Variants in LRRC37A3 observed in about 807,000 individuals in gnomAD.
The protein encoded by LRRC37A3 is leucine-rich repeat-containing protein 37A3.
In LRRC37A3, 25 loss-of-function variants were observed where a neutral mutation model predicts 106.2. The ratio of observed to expected loss-of-function variants is 0.24; its 90% CI spans 0.17 to 0.33. The LOEUF is 0.33. Ranked by LOEUF, LRRC37A3 falls within the 10% of genes least tolerant of loss-of-function variation. The probability of loss-of-function intolerance (pLI) is 1.00; values close to 1 mark genes in which losing one functional copy is unlikely to be tolerated. For missense variants in LRRC37A3, 712 were observed against 1,644.9 expected (o/e 0.43, Z 9.81); for synonymous variants, 305 against 635.8 (o/e 0.48, Z 7.83).
At chr17:64,908,928 T>A (rs1440474311) in intron 2 of LRRC37A3, among the ~76,000 whole-genome samples, 1 of 150,956 alleles carries the variant, frequency 6.6e-6, no homozygotes, top group African/African-American at 2.5e-5. Flanking sequence ...ACCACCACCA[T>A]GCCCAGCTAA....
Position 64,859,921 on chromosome 17 carries a change from G to A in LRRC37A3, c.4225C>T (p.Pro1409Ser). Residue 1409 changes from proline (P) to serine (S), a missense_variant, in exon 12 of 15, where the codon CCA becomes TCA. Coordinates refer to ENST00000584306, the MANE Select transcript of LRRC37A3 (RefSeq NM_199340.5). ...ENVFMENTNM[P>S]EGTISENTNY... is the part of the protein sequence containing the mutation. ...GTGTTTTCAGAGATGGTTCCTTCTG[G>A]CATGTTAGTGTTTTCCATAAAAACA... 1 of 1,613,728 alleles carries A rather than the reference G, an allele frequency of 6.2e-7. No individual in the cohort carries two copies. Among genetic ancestry groups the A allele is most frequent in the Non-Finnish European group, 8.5e-7 (1 of 1,179,858 alleles).
Position 64,868,514 on chromosome 17 carries a change from G to A in LRRC37A3, c.3001C>T (p.Pro1001Ser). ...KYLDMGTTLV[P>S]LTTLKNILMM... ...AGAATGTTCTTAAGTGTTGTAAGTG[G>A]GACTAGCGTTGTTCCCATGTCTCTG... The change falls in exon 10 of 15, where the codon CCA (proline) becomes TCA (serine). Residue 1001 changes from proline (P) to serine (S), a missense_variant. By Grantham distance (74) the Pro-to-Ser change is moderately conservative. Transcript: ENST00000584306. The A allele has an allele frequency of 1.9e-6, 3 of 1,610,020 alleles. No homozygotes were observed. Among genetic ancestry groups the A allele is most frequent in the Non-Finnish European group, 2.5e-6 (3 of 1,178,502 alleles).
intron 8 of LRRC37A3, among the ~76,000 whole-genome samples, chr17:64,875,515 G>A (rs1973481175): frequency 3.3e-5 from 5 of 152,194 alleles, no homozygotes; most frequent in South Asian, 2.1e-4. Flanking sequence ...CTGGCTGGGC[G>A]CAGTGGCTCA....
Position 64,893,689 on chromosome 17 carries a change from G to A in LRRC37A3, c.2609+960C>T, listed in dbSNP as rs1389792916. On this transcript the variant is annotated intron_variant, in intron 4 of 14. Transcript: ENST00000584306. ...TTTTGAGATGGAGTCTTGCTCTGTC[G>A]CCCAGGCTGGAGTGCAGTGGTGCAA... Among the ~76,000 whole-genome samples, 5 of 121,998 alleles carry A rather than the reference G, an allele frequency of 4.1e-5. No individual in the cohort carries two copies. The East Asian group carries it at 6.7e-4, about 16-fold the overall frequency. 80.0% of individuals were successfully genotyped at this position (121,998 alleles called of 152,430 possible).
At chr17:64,868,419 G>A (rs1973191495) in intron 10 of LRRC37A3, 43 bp downstream of exon 10, 1 of 1,604,640 alleles carries the variant, frequency 6.2e-7, no homozygotes, top group Non-Finnish European at 8.5e-7. Flanking sequence ...CAAACCTAAA[G>A]AAACAACTAC....
chr17:64,876,832 C>G lies in LRRC37A3; in HGVS notation c.2907-7666G>C, dbSNP rs1478957860. ...AATTAACACCAATCCTTCATAAAGT[C>G]TTTCAAAATACAGATGAGGAAAGAA... On this transcript the variant is annotated intron_variant, in intron 8 of 14. Coordinates refer to ENST00000584306, the MANE Select transcript of LRRC37A3 (RefSeq NM_199340.5). 2.6e-5 allele frequency: 4 copies of G among 152,046 alleles called. No individual in the cohort carries two copies. The East Asian group carries it at 7.7e-4, about 29-fold the overall frequency. 9.4% of individuals were successfully genotyped at this position (152,046 alleles called of 1,614,324 possible).
In LRRC37A3 at chr17:64,860,105, C is replaced by G; in HGVS notation, c.4041G>C (p.Ala1347=). 1 of 1,613,932 alleles carries G rather than the reference C, an allele frequency of 6.2e-7. No homozygotes were observed. The highest frequency in any genetic ancestry group is 8.5e-7 in the Non-Finnish European group (1 of 1,179,866). The part of the protein sequence containing the change: ...MLSNRLPFSA[A]KSLINSPSQG... Reference sequence around the variant, plus strand: ...GTGAAGGGGAATTTATGAGGCTCTTCGCTGCAGAGAACGGAAGCCTGTTTG... The same window carrying G: ...GTGAAGGGGAATTTATGAGGCTCTTGGCTGCAGAGAACGGAAGCCTGTTTG... Residue 1347 remains alanine, a synonymous_variant, in exon 12 of 15, where the codon GCG becomes GCC. Coordinates refer to ENST00000584306, the MANE Select transcript of LRRC37A3 (RefSeq NM_199340.5).
intron 8 of LRRC37A3, among the ~76,000 whole-genome samples, chr17:64,878,549 G>T (rs1228754816): frequency 6.6e-6 from 1 of 152,138 alleles, no homozygotes; most frequent in Non-Finnish European, 1.5e-5. Context: ...CTTCAAAAAA[G>T]ATATATAAAT....
At chr17:64,912,364 T>A (rs927188794) in intron 2 of LRRC37A3, among the ~76,000 whole-genome samples, 2 of 151,572 alleles carry the variant, frequency 1.3e-5, no homozygotes, top group Non-Finnish European at 2.9e-5. Flanking sequence ...CACACACATA[T>A]ATACAATTAT....
intron 2 of LRRC37A3, chr17:64,901,223 T>A (rs562877183): frequency 8.6e-5 from 13 of 151,130 alleles, no homozygotes; most frequent in Non-Finnish European, 1.6e-4. Flanking sequence ...GACTTTATGA[T>A]CTTACAGATA....
intron 13 of LRRC37A3, among the ~76,000 whole-genome samples, chr17:64,858,343 G>A (rs1972749866): frequency 6.6e-6 from 1 of 152,192 alleles, no homozygotes. Flanking sequence ...AAGTCTACAA[G>A]ACAATACTTC....
intron 9 of LRRC37A3, 90 bp from the exon 10 acceptor site, chr17:64,868,626 G>A: frequency 6.7e-7 from 1 of 1,502,612 alleles, no homozygotes; most frequent in Non-Finnish European, 9.1e-7. Context: ...TATTAAACAA[G>A]CCAGCTCAAG....
At chr17:64,867,569 A>G (rs1320159951) in intron 10 of LRRC37A3, among the ~76,000 whole-genome samples, 1 of 151,260 alleles carries the variant, frequency 6.6e-6, no homozygotes, top group Non-Finnish European at 1.5e-5. Context: ...CTAAGTACCT[A>G]ATACAGTGTA....
intron 9 of LRRC37A3, among the ~76,000 whole-genome samples, chr17:64,868,890 C>A (rs947329201): frequency 6.6e-6 from 1 of 152,174 alleles, no homozygotes; most frequent in African/African-American, 2.4e-5. Context: ...TATATGGGTT[C>A]TTCAATGCTG....
intron 2 of LRRC37A3, among the ~76,000 whole-genome samples, chr17:64,915,449 A>G (rs890376047): frequency 6.6e-6 from 1 of 152,268 alleles, no homozygotes; most frequent in African/African-American, 2.4e-5. Flanking sequence ...CAGTGTTCAT[A>G]AAGTTTTATT....
intron 8 of LRRC37A3, among the ~76,000 whole-genome samples, chr17:64,880,467 A>G (rs1221290918): frequency 6.6e-6 from 1 of 152,152 alleles, no homozygotes; most frequent in African/African-American, 2.4e-5. Context: ...TTTTAGATTC[A>G]CAGTAGATGA....
intron 11 of LRRC37A3, among the ~76,000 whole-genome samples, chr17:64,862,491 G>A (rs1022898636): frequency 1.2e-4 from 18 of 151,798 alleles, no homozygotes; most frequent in African/African-American, 3.6e-4. Context: ...GACCAAAACC[G>A]TATCTACATC....
chr17:64,902,083 CACA>C (rs1313173954), intron 2 of LRRC37A3, among the ~76,000 whole-genome samples: 6 of 151,216 alleles, frequency 4.0e-5, no homozygotes, highest in Admixed American at 1.3e-4. Flanking sequence ...AGAAAACAAT[CACA>C]ACAATAGCAT....
chr17:64,909,660 T>C (rs1167182749), intron 2 of LRRC37A3: 1 of 152,292 alleles, frequency 6.6e-6, no homozygotes, highest in Non-Finnish European at 1.5e-5. Flanking sequence ...AAGTAGGATT[T>C]TGGAAACTGA....
Sources: gnomAD v4.1 joint callset for allele counts (sites outside exome capture counted in the v4.1 genomes callset) on GRCh38, gnomAD v4.1.1 for gene constraint, MANE v1.5 for transcripts, NCBI Gene and HGNC (gene_info 2026-07-23, HGNC 2026-07-21) for gene names.